Variants in CHST9 observed in about 807,000 individuals in gnomAD.
CHST9 encodes carbohydrate sulfotransferase 9.
CHST9 carries 41 observed loss-of-function variants against 44.4 expected under a neutral mutation model. That is an observed-to-expected ratio of 0.92 (90% CI 0.72 to 1.20). CHST9 has a LOEUF of 1.20. Ranked by LOEUF, CHST9 falls within the 50% of genes most tolerant of loss-of-function variation. CHST9 has a pLI of 0.00. For synonymous variants in CHST9, 171 were observed against 178.4 expected, an observed-to-expected ratio of 0.96 and a Z score of 0.33; for missense variants, 504 against 516.5, an observed-to-expected ratio of 0.98 and a Z score of 0.23.
At chr18:27,148,932 T>A (rs1311533270) in intron 1 of CHST9, among the ~76,000 whole-genome samples, 5 of 134,394 alleles carry the variant, frequency 3.7e-5, no homozygotes, top group African/African-American at 1.3e-4. Flanking sequence ...GTTTCCTGAC[T>A]TTTTAATGAT....
intron 4 of CHST9, among the ~76,000 whole-genome samples, chr18:26,965,183 A>C (rs1226604399): frequency 1.3e-5 from 2 of 152,186 alleles, no homozygotes. Flanking sequence ...ATGGATTATG[A>C]GACTCATGTG....
chr18:26,942,090 C>T (rs1423864928), intron 5 of CHST9, among the ~76,000 whole-genome samples: 1 of 151,744 alleles, frequency 6.6e-6, no homozygotes, highest in Admixed American at 6.6e-5. Flanking sequence ...ATAAAAAATA[C>T]TGTATGGATT....
At chr18:27,132,313 C>T (rs984507835) in intron 2 of CHST9, among the ~76,000 whole-genome samples, 1 of 152,178 alleles carries the variant, frequency 6.6e-6, no homozygotes, top group Non-Finnish European at 1.5e-5. Flanking sequence ...TTTATTCAAA[C>T]AAAATACTGT....
intron 5 of CHST9, among the ~76,000 whole-genome samples, chr18:26,922,604 A>G (rs2055678999): frequency 6.6e-6 from 1 of 151,712 alleles, no homozygotes; most frequent in African/African-American, 2.4e-5. Context: ...GTCTGCAATA[A>G]ACTTGAAAGC....
intron 5 of CHST9, among the ~76,000 whole-genome samples, chr18:26,942,633 G>T (rs2056100839): frequency 6.6e-6 from 1 of 152,150 alleles, no homozygotes; most frequent in Non-Finnish European, 1.5e-5. Flanking sequence ...GCTTTAGGTT[G>T]TTAAGTTAAT....
At chr18:26,922,036 C>T (rs1373970860) in intron 5 of CHST9, among the ~76,000 whole-genome samples, 1 of 152,198 alleles carries the variant, frequency 6.6e-6, no homozygotes, top group Non-Finnish European at 1.5e-5. Flanking sequence ...AATTATTCTT[C>T]CCCAAACATT....
chr18:27,068,043 C>T (rs1183938527), intron 2 of CHST9, among the ~76,000 whole-genome samples: 1 of 152,066 alleles, frequency 6.6e-6, no homozygotes, highest in Non-Finnish European at 1.5e-5. Flanking sequence ...CAAACCTAAC[C>T]ATGCCCCTAA....
chr18:26,940,744 C>T (rs1598578067), intron 5 of CHST9, among the ~76,000 whole-genome samples: 2 of 152,124 alleles, frequency 1.3e-5, no homozygotes, highest in East Asian at 3.9e-4. Flanking sequence ...CATATTATGT[C>T]CCCCAAACAG....
Position 26,906,646 on chromosome 18 carries a change from A to C in CHST9, c.*9613T>G, listed in dbSNP as rs1000081618. 32 of 152,212 alleles carry C rather than the reference A, an allele frequency of 2.1e-4. No individual in the cohort carries two copies. Among genetic ancestry groups the C allele is most frequent in the Non-Finnish European group, 2.9e-5 (2 of 68,038 alleles). 9.4% of individuals were successfully genotyped at this position (152,212 alleles called of 1,614,324 possible). A position where few individuals can be genotyped will look rare whatever the true frequency, so the allele number is the denominator to read the frequency against. On this transcript the variant is annotated 3_prime_UTR_variant, in exon 6 of 6. Transcript: ENST00000618847. ...CAGAGGTCCCAACATTTGAAAGTTG[A>C]GGATACGGAATTCAAACCCAGTTCT...
rs2055537564 is a variant in CHST9, at chr18:26,916,860, ATGT to A, written c.728_730del (p.Asn243del). On this transcript the variant is annotated inframe_deletion, in exon 6 of 6. Transcript: ENST00000618847. ...CCCGTAGTGGACAGCATTGTGGGAG[ATGT>A]TGTATGCAGAGGAAGCCAATCCATT... 2 of 1,613,844 alleles carry A rather than the reference ATGT, an allele frequency of 1.2e-6. No homozygotes were observed. The highest frequency in any genetic ancestry group is 1.7e-4 in the Middle Eastern group (1 of 6,060).
intron 1 of CHST9, among the ~76,000 whole-genome samples, chr18:27,165,443 C>T (rs536106270): frequency 6.6e-6 from 1 of 152,330 alleles, no homozygotes; most frequent in East Asian, 1.9e-4. Context: ...CCAGGACATA[C>T]ATGCATGGTT....
chr18:27,176,796 A>G (rs1334355076), intron 1 of CHST9, among the ~76,000 whole-genome samples: 3 of 152,030 alleles, frequency 2.0e-5, no homozygotes, highest in Non-Finnish European at 4.4e-5. Context: ...TATTAGATGA[A>G]CAAGCTCTGG....
At chr18:27,097,453 C>A (rs1052600306) in intron 2 of CHST9, among the ~76,000 whole-genome samples, 7 of 151,988 alleles carry the variant, frequency 4.6e-5, no homozygotes, top group African/African-American at 1.7e-4. Context: ...AGAAATCCAA[C>A]TATCTCTCTT....
At chr18:27,126,820 G>T (rs2058428216) in intron 2 of CHST9, among the ~76,000 whole-genome samples, 1 of 152,112 alleles carries the variant, frequency 6.6e-6, no homozygotes, top group Admixed American at 6.5e-5. Flanking sequence ...TGGGGAGGAA[G>T]GCTGCTTTAG....
intron 2 of CHST9, among the ~76,000 whole-genome samples, chr18:27,075,005 T>C (rs954271967): frequency 1.4e-5 from 2 of 139,934 alleles, no homozygotes; most frequent in African/African-American, 5.6e-5. Context: ...TTTTCCACTA[T>C]GTTTTTCTTT....
At chr18:27,105,071 C>G (rs1008076353) in intron 2 of CHST9, among the ~76,000 whole-genome samples, 2 of 151,918 alleles carry the variant, frequency 1.3e-5, no homozygotes, top group Non-Finnish European at 2.9e-5. Context: ...CTTCCTTTGT[C>G]CTTTCTTCTT....
At chr18:27,000,319 G>A (rs558490998) in intron 4 of CHST9, among the ~76,000 whole-genome samples, 2 of 152,290 alleles carry the variant, frequency 1.3e-5, no homozygotes, top group Admixed American at 6.5e-5. Flanking sequence ...AGCAACTTCA[G>A]CAAGAAAAAA....
chr18:27,076,386 A>G (rs1202542715), intron 2 of CHST9, among the ~76,000 whole-genome samples: 1 of 152,166 alleles, frequency 6.6e-6, no homozygotes, highest in African/African-American at 2.4e-5. Flanking sequence ...TAGTAGGTTC[A>G]GTTTTTTTCT....
intron 4 of CHST9, among the ~76,000 whole-genome samples, chr18:26,966,217 A>G (rs2056462193): frequency 6.6e-6 from 1 of 152,256 alleles, no homozygotes; most frequent in South Asian, 2.1e-4. Context: ...AAGGTGGGAC[A>G]CTATAAAACT....
Sources: gnomAD v4.1 joint callset for allele counts (sites outside exome capture counted in the v4.1 genomes callset) on GRCh38, gnomAD v4.1.1 for gene constraint, MANE v1.5 for transcripts, NCBI Gene and HGNC (gene_info 2026-07-23, HGNC 2026-07-21) for gene names.